The following P2RX3 variants were observed in gnomAD, a reference collection of about 807,000 sequenced individuals.
P2RX3 encodes the protein purinergic receptor P2X 3.
In P2RX3, 41 loss-of-function variants were observed where a neutral mutation model predicts 51.5. The observed-to-expected ratio is 0.80, with a 90% CI of 0.62 to 1.03. P2RX3 has a LOEUF of 1.03. Ranked by LOEUF, P2RX3 falls within the 50% of genes least tolerant of loss-of-function variation. The pLI is 0.00. For synonymous variants in P2RX3, 185 were observed against 191.6 expected (o/e 0.97, Z 0.29); for missense variants, 459 against 522.1 (o/e 0.88, Z 1.18).
Position 57,369,503 on chromosome 11 carries a change from C to G in P2RX3, c.1080+65C>G, listed in dbSNP as rs1856848438. ...GGGGCAGGGCAGGCAGGGGCAGGGA[C>G]TCTCAGTGGCTCCCCTTCTGAGGCC... On this transcript the variant is annotated intron_variant, in intron 11 of 11. Coordinates refer to ENST00000263314, the MANE Select transcript of P2RX3 (RefSeq NM_002559.5). 1.5e-5 allele frequency: 22 copies of G among 1,451,210 alleles called. No homozygotes were observed. In the South Asian group the frequency reaches 2.0e-4, roughly 13 times the overall value. The allele number at this position is 1,451,210 out of a possible 1,614,324, so 89.9% of individuals were successfully genotyped here.
Position 57,347,196 on chromosome 11 carries a change from A to G in P2RX3, c.327+9A>G. On this transcript the variant is annotated intron_variant, in intron 3 of 11. Coordinates refer to ENST00000263314, the MANE Select transcript of P2RX3 (RefSeq NM_002559.5). ...AAGGATTCTGCCCAGAGGTGAGGGG[A>G]GGACAGAGGTTGGGTGAAGCAGGTC... The G allele has an allele frequency of 6.2e-7, 1 of 1,612,618 alleles. No homozygotes were observed. Among genetic ancestry groups the G allele is most frequent in the South Asian group, 1.1e-5 (1 of 90,688 alleles).
At chr11:57,369,020 T>A (rs1856839989) in intron 10 of P2RX3, among the ~76,000 whole-genome samples, 1 of 152,132 alleles carries the variant, frequency 6.6e-6, no homozygotes, top group African/African-American at 2.4e-5. Context: ...TTCCTCATCT[T>A]ATAAAGCCAC....
chr11:57,340,816 C>G (rs537112936), intron 1 of P2RX3: 1 of 152,260 alleles, frequency 6.6e-6, no homozygotes. Context: ...AGCCAAGACC[C>G]GAAGGATGAG....
chr11:57,371,042 T>A lies in P2RX3; in HGVS notation c.*1045T>A, dbSNP rs1264115736. On this transcript the variant is annotated 3_prime_UTR_variant, in exon 12 of 12. Transcript: ENST00000263314. The stretch of plus-strand genomic sequence containing the variant: ...GAAGCTAAAGGGGCCTTTTAAACCA[T>A]CTTATCTAACCCTCTTGCTTACAGA... Among the ~76,000 whole-genome samples, 1 of 152,212 alleles carries A rather than the reference T, an allele frequency of 6.6e-6. No individual in the cohort carries two copies. The highest frequency in any genetic ancestry group is 2.4e-5 in the African/African-American group (1 of 41,444).
intron 8 of P2RX3, among the ~76,000 whole-genome samples, chr11:57,367,713 T>C (rs1213290165): frequency 6.6e-6 from 1 of 152,058 alleles, no homozygotes; most frequent in Non-Finnish European, 1.5e-5. Context: ...AGAATGAGAC[T>C]CTGTCTCAAA....
In P2RX3 at chr11:57,347,429, C is replaced by G; in HGVS notation, c.342C>G (p.Tyr114Ter). 1 of 1,559,666 alleles carries G rather than the reference C, an allele frequency of 6.4e-7. No individual in the cohort carries two copies. The highest frequency in any genetic ancestry group is 8.7e-7 in the Non-Finnish European group (1 of 1,151,244). The change falls in exon 4 of 12, where the codon TAC becomes TAG. Residue 114 changes from tyrosine to a stop codon, truncating the protein, a stop_gained. Transcript: ENST00000263314. LOFTEE classifies it high-confidence loss of function. ...TCTGCCCACAGAGTGAGGAGAAATA[C>G]CGCTGTGTATCAGACAGCCAGTGCG... ...QGFCPESEEK[Y>*]RCVSDSQCGP...
chr11:57,337,342 G>GAAAAAAAAAAAA (rs1856249187), upstream of P2RX3, among the ~76,000 whole-genome samples: 1 of 55,170 alleles, frequency 1.8e-5, no homozygotes, highest in African/African-American at 6.7e-5. Context: ...GGAAGGGAAG[G>GAAAAAAAAAAAA]AAAGAAAGAA....
Position 57,370,141 on chromosome 11 carries a change from C to T in P2RX3, c.*144C>T, listed in dbSNP as rs935770946. On this transcript the variant is annotated 3_prime_UTR_variant, in exon 12 of 12. Transcript: ENST00000263314. ...CATAGCTGGGACCCAAGTGTCTGGG[C>T]CTCCGACTGCTCCAGCAGACAGGCA... is the stretch of plus-strand genomic sequence containing the variant. 1.1e-5 allele frequency: 7 copies of T among 626,244 alleles called. No individual in the cohort carries two copies. The highest frequency in any genetic ancestry group is 1.1e-4 in the African/African-American group (6 of 54,412). The allele number at this position is 626,244 out of a possible 1,614,324, so 38.8% of individuals were successfully genotyped here.
chr11:57,336,348 T>G (rs974793773), upstream of P2RX3, among the ~76,000 whole-genome samples: 5 of 152,062 alleles, frequency 3.3e-5, no homozygotes, highest in African/African-American at 1.2e-4. Flanking sequence ...CACCCAAAAT[T>G]TTCACATCCT....
intron 1 of P2RX3, among the ~76,000 whole-genome samples, chr11:57,345,332 C>G (rs897066200): frequency 6.6e-5 from 10 of 152,164 alleles, no homozygotes; most frequent in South Asian, 2.1e-4. Context: ...GAGACGTCAC[C>G]AGTATTTCTC....
intron 4 of P2RX3, 128 bp from the exon 5 acceptor site, chr11:57,348,042 C>T: frequency 1.2e-6 from 1 of 812,516 alleles, no homozygotes; most frequent in Non-Finnish European, 1.9e-6. Context: ...GAAGTCAGCT[C>T]CCTTTTCCCT....
intron 2 of P2RX3, 130 bp downstream of exon 2, chr11:57,346,809 T>C: frequency 7.5e-7 from 1 of 1,329,002 alleles, no homozygotes; most frequent in Non-Finnish European, 1.0e-6. Flanking sequence ...CCAGAGGACC[T>C]CTCCCCCAGC....
chr11:57,358,620 G>A (rs1856666559), intron 8 of P2RX3, among the ~76,000 whole-genome samples: 1 of 152,004 alleles, frequency 6.6e-6, no homozygotes, highest in South Asian at 2.1e-4. Flanking sequence ...CTGTAAAATG[G>A]GCTGGTTAAA....
intron 1 of P2RX3, among the ~76,000 whole-genome samples, chr11:57,342,769 C>G (rs1288142612): frequency 6.6e-6 from 1 of 151,400 alleles, no homozygotes; most frequent in Non-Finnish European, 1.5e-5. Flanking sequence ...CCCCCCATCA[C>G]CCCTCCCCCT....
At chr11:57,337,329 A>AAAAAAAAAAAAAAAAGG (rs1554965262), upstream of P2RX3, among the ~76,000 whole-genome samples, 1 of 77,296 alleles carries the variant, frequency 1.3e-5, no homozygotes, top group Non-Finnish European at 2.3e-5. Flanking sequence ...AAGAAAAAAA[A>AAAAAAAAAAAAAAAAGG]AAGGAAGGGA....
At chr11:57,339,605 T>A (rs1856300813) in intron 1 of P2RX3, among the ~76,000 whole-genome samples, 1 of 152,166 alleles carries the variant, frequency 6.6e-6, no homozygotes, top group South Asian at 2.1e-4. Flanking sequence ...TTGTGGTCAT[T>A]TCCACACACT....
intron 8 of P2RX3, among the ~76,000 whole-genome samples, chr11:57,356,867 G>A (rs968675082): frequency 6.6e-6 from 1 of 152,158 alleles, no homozygotes; most frequent in Non-Finnish European, 1.5e-5. Context: ...AGTGATCTTG[G>A]ATTTAGATAG....
rs78461471 is a variant in P2RX3, at chr11:57,372,326, T to C, written c.*2329T>C. 0.058 allele frequency among the ~76,000 whole-genome samples: 8,853 copies of C among 152,180 alleles called. 867 individuals carry two copies. Among genetic ancestry groups the C allele is most frequent in the African/African-American group, 0.2 (8,398 of 41,476 alleles). On this transcript the variant is annotated 3_prime_UTR_variant, in exon 12 of 12. Coordinates refer to ENST00000263314, the MANE Select transcript of P2RX3 (RefSeq NM_002559.5). ...CAATGGACCAAATGAGTGACAGGGATTGTCTAACTCAACCCCCACTTTACA... is the reference window on the plus strand; with the variant it reads ...CAATGGACCAAATGAGTGACAGGGACTGTCTAACTCAACCCCCACTTTACA...
chr11:57,349,785 AG>A lies in P2RX3; in HGVS notation c.595del (p.Asp199ThrfsTer2), dbSNP rs977162165. ...KGNLLPNLTA[R>X]DMKTCRFHPD... is the part of the protein sequence containing the mutation. ...AAACCTCCTTCCCAACCTGACAGCCAGGGACATGAAGACCTGCCGCTTCCAC... is the reference window on the plus strand; with the variant it reads ...AAACCTCCTTCCCAACCTGACAGCCAGGACATGAAGACCTGCCGCTTCCAC... On this transcript the variant is annotated frameshift_variant, in exon 7 of 12. Transcript: ENST00000263314. LOFTEE classifies it high-confidence loss of function. 6.2e-7 allele frequency: 1 copy of A among 1,614,072 alleles called. No individual in the cohort carries two copies. The highest frequency in any genetic ancestry group is 1.3e-5 in the African/African-American group (1 of 74,936).
Sources: allele counts gnomAD v4.1 joint callset (sites outside exome capture counted in the v4.1 genomes callset), GRCh38; gene constraint gnomAD v4.1.1; transcripts MANE v1.5; gene names NCBI Gene and HGNC (gene_info 2026-07-23, HGNC 2026-07-21).